Variants in FHIT observed in about 807,000 individuals in gnomAD.
The protein encoded by FHIT is bis(5'-adenosyl)-triphosphatase.
FHIT carries 19 observed loss-of-function variants against 17.9 expected under a neutral mutation model. That is an observed-to-expected ratio of 1.06 (90% CI 0.74 to 1.56). The LOEUF (loss-of-function observed/expected upper bound fraction) is 1.56. Among genes scored for constraint, FHIT ranks in the 40% most tolerant of loss-of-function variants. The probability of loss-of-function intolerance (pLI) is 0.00; values close to 1 mark genes in which losing one functional copy is unlikely to be tolerated. For missense variants in FHIT, 248 were observed against 189.2 expected, an observed-to-expected ratio of 1.31 and a Z score of -1.82; for synonymous variants, 81 against 69.7, an observed-to-expected ratio of 1.16 and a Z score of -0.81.
intron 7 of FHIT, among the ~76,000 whole-genome samples, chr3:59,990,966 T>A (rs1342063622): frequency 6.6e-6 from 1 of 152,018 alleles, no homozygotes; most frequent in Non-Finnish European, 1.5e-5. Context: ...AACAGGGTTA[T>A]CAATTACATT....
chr3:60,098,329 C>T (rs1354644692), intron 5 of FHIT, among the ~76,000 whole-genome samples: 2 of 147,502 alleles, frequency 1.4e-5, no homozygotes, highest in African/African-American at 2.5e-5. Context: ...TACAGTCCCA[C>T]CAACAGTGTA....
chr3:60,290,075 T>C (rs1433025490), intron 5 of FHIT, among the ~76,000 whole-genome samples: 2 of 152,220 alleles, frequency 1.3e-5, no homozygotes, highest in Admixed American at 1.3e-4. Flanking sequence ...TCTGATGCTA[T>C]GCGTGGCTTT....
chr3:60,678,743 A>G (rs1205925736), intron 4 of FHIT, among the ~76,000 whole-genome samples: 2 of 152,148 alleles, frequency 1.3e-5, no homozygotes, highest in Non-Finnish European at 2.9e-5. Flanking sequence ...ACCATTTTCA[A>G]GTGTCCCTAA....
intron 2 of FHIT, among the ~76,000 whole-genome samples, chr3:61,065,793 T>C (rs1422924899): frequency 3.3e-5 from 5 of 151,942 alleles, no homozygotes; most frequent in African/African-American, 1.2e-4. Context: ...ATATACAAGC[T>C]TTTATTCTCT....
intron 8 of FHIT, among the ~76,000 whole-genome samples, chr3:59,888,791 A>T (rs566875208): frequency 3.9e-5 from 6 of 152,304 alleles, no homozygotes; most frequent in African/African-American, 1.4e-4. Flanking sequence ...GCTTTAACAG[A>T]ATACCTGAGA....
intron 5 of FHIT, among the ~76,000 whole-genome samples, chr3:60,287,881 C>A (rs1192689920): frequency 6.6e-6 from 1 of 151,984 alleles, no homozygotes; most frequent in Non-Finnish European, 1.5e-5. Context: ...AGATACATAA[C>A]CCCTCTGTAT....
At chr3:61,219,808 T>C (rs913600359) in intron 1 of FHIT, among the ~76,000 whole-genome samples, 13 of 152,158 alleles carry the variant, frequency 8.5e-5, no homozygotes, top group African/African-American at 2.4e-4. Flanking sequence ...ACCTCAAGCC[T>C]CTCAATCCAT....
intron 4 of FHIT, among the ~76,000 whole-genome samples, chr3:60,786,318 T>C (rs56129149): frequency 0.19 from 28,316 of 152,096 alleles, 3,384 homozygotes; most frequent in African/African-American, 0.34. Flanking sequence ...AAGTAACTTA[T>C]GGAAATGAAA....
intron 3 of FHIT, among the ~76,000 whole-genome samples, chr3:60,970,062 G>A (rs767064477): frequency 5.3e-5 from 8 of 152,188 alleles, no homozygotes; most frequent in South Asian, 2.1e-4. Flanking sequence ...ACACTGAAGC[G>A]ATCTGCCTGC....
chr3:61,214,799 C>T (rs141525463), intron 1 of FHIT, among the ~76,000 whole-genome samples: 5,073 of 152,274 alleles, frequency 0.033, 112 homozygotes, highest in African/African-American at 0.052. Flanking sequence ...CATCACAAAG[C>T]TTATCCACCA....
chr3:60,420,847 G>A (rs926642535), intron 5 of FHIT, among the ~76,000 whole-genome samples: 1 of 152,058 alleles, frequency 6.6e-6, no homozygotes, highest in African/African-American at 2.4e-5. Flanking sequence ...AGTCTGTTTA[G>A]GAAAATACAT....
chr3:60,272,155 G>A (rs765726733), intron 5 of FHIT, among the ~76,000 whole-genome samples: 11 of 152,148 alleles, frequency 7.2e-5, no homozygotes, highest in African/African-American at 1.4e-4. Flanking sequence ...CATGCTCTGC[G>A]GGACACAAAA....
chr3:60,827,002 C>A (rs1337718206), intron 3 of FHIT, among the ~76,000 whole-genome samples: 2 of 151,458 alleles, frequency 1.3e-5, no homozygotes, highest in East Asian at 3.9e-4. Context: ...TTTCCCCCCA[C>A]AAAAAGAAAA....
chr3:61,115,238 A>G (rs2036266866), intron 2 of FHIT, among the ~76,000 whole-genome samples: 6 of 152,186 alleles, frequency 3.9e-5, no homozygotes. Context: ...ATAATTGGAA[A>G]TAAGTGAAAA....
chr3:60,888,733 T>C (rs1705349350), intron 3 of FHIT, among the ~76,000 whole-genome samples: 1 of 152,242 alleles, frequency 6.6e-6, no homozygotes, highest in Non-Finnish European at 1.5e-5. Flanking sequence ...AGAACAATGG[T>C]TTTGTTTGGA....
intron 8 of FHIT, among the ~76,000 whole-genome samples, chr3:59,907,646 T>C (rs1704648226): frequency 1.3e-5 from 2 of 152,340 alleles, no homozygotes; most frequent in African/African-American, 4.8e-5. Flanking sequence ...GCTCTACCCT[T>C]GCCTTTTCCC....
intron 4 of FHIT, among the ~76,000 whole-genome samples, chr3:60,757,725 C>T (rs13070504): frequency 6.6e-6 from 1 of 152,000 alleles, no homozygotes; most frequent in Non-Finnish European, 1.5e-5. Flanking sequence ...CACTAGAGTG[C>T]GTTTGGAATT....
chr3:60,077,729 C>CATATATATAT (rs1403752107), intron 5 of FHIT, among the ~76,000 whole-genome samples: 27 of 67,246 alleles, frequency 4.0e-4, no homozygotes, highest in African/African-American at 1.3e-3. Flanking sequence ...CACACACACA[C>CATATATATAT]ATATATAGAG....
chr3:60,416,017 C>A lies in FHIT; in HGVS notation c.103+120843G>T, dbSNP rs1183367349. 6.0e-5 allele frequency among the ~76,000 whole-genome samples: 9 copies of A among 150,808 alleles called. No homozygotes were observed. In the East Asian group the frequency reaches 1.7e-3, roughly 29 times the overall value. ...GCATAGTACCTACCACACAGTTGTT[C>A]AATACATGTTATCTTAATTCTTATT... is the stretch of plus-strand genomic sequence containing the variant. On this transcript the variant is annotated intron_variant, in intron 5 of 9. Coordinates refer to ENST00000492590, the MANE Select transcript of FHIT (RefSeq NM_002012.4).
Sources: gnomAD v4.1 joint callset for allele counts (sites outside exome capture counted in the v4.1 genomes callset) on GRCh38, gnomAD v4.1.1 for gene constraint, MANE v1.5 for transcripts, NCBI Gene and HGNC (gene_info 2026-07-23, HGNC 2026-07-21) for gene names.